CCT6A: variants seen among roughly 807,000 people sequenced by gnomAD.
CCT6A encodes T-complex protein 1 subunit zeta.
Under a neutral mutation model 58.6 loss-of-function variants are expected in CCT6A, and 6 were observed. The observed-to-expected ratio is 0.10, with a 90% confidence interval of 0.06 to 0.20. CCT6A has a LOEUF of 0.20. Among genes scored for constraint, CCT6A ranks in the 10% least tolerant of loss-of-function variants. CCT6A has a pLI of 1.00. For synonymous variants in CCT6A, 245 were observed against 227.8 expected (o/e 1.08, Z -0.68); for missense variants, 516 against 648.8 (o/e 0.80, Z 2.22).
At position 56,058,461 on chromosome 7, in the gene CCT6A, A is replaced by G; in HGVS notation, c.825A>G (p.Ile275Met). The change falls in exon 7 of 14, where the codon ATA (isoleucine) becomes ATG (methionine). Residue 275 changes from isoleucine (I) to methionine (M), a missense_variant. Ile to Met is a conservative substitution (Grantham distance 10). Transcript: ENST00000275603. ...TTGAAGATAGGGTTAAAAAAATAAT[A>G]GAACTGAAAAGGAAAGTCTGTGGCG... is the stretch of plus-strand genomic sequence containing the variant. The part of the protein sequence containing the change: ...KFIEDRVKKI[I>M]ELKRKVCGDS... The G allele has an allele frequency of 6.2e-7, 1 of 1,601,212 alleles. No homozygotes were observed. The highest frequency in any genetic ancestry group is 8.5e-7 in the Non-Finnish European group (1 of 1,176,120).
At chr7:56,061,104 C>A (rs1234333386) in intron 11 of CCT6A, among the ~76,000 whole-genome samples, 164 bp downstream of exon 11, 2 of 152,196 alleles carry the variant, frequency 1.3e-5, no homozygotes, top group Non-Finnish European at 1.5e-5. Context: ...TATTTGGTTT[C>A]TCTGGGAAGC....
Position 56,062,932 on chromosome 7 carries a change from G to A in CCT6A, c.1524-81G>A, listed in dbSNP as rs1794501472. On this transcript the variant is annotated intron_variant, in intron 13 of 13. Transcript: ENST00000275603. ...GGAAATTTAATTGGATGTAATGTGT[G>A]CAGCTTGGTTGGAAGTGGGAAGTTG... The A allele has an allele frequency of 4.1e-6, 5 of 1,206,260 alleles. No homozygotes were observed. In the African/African-American group the frequency reaches 7.4e-5, roughly 18 times the overall value. The allele number at this position is 1,206,260 out of a possible 1,614,324, so 74.7% of individuals were successfully genotyped here.
At chr7:56,057,655 C>CG (rs1224799997) in intron 5 of CCT6A, among the ~76,000 whole-genome samples, 1 of 152,122 alleles carries the variant, frequency 6.6e-6, no homozygotes, top group Non-Finnish European at 1.5e-5. Flanking sequence ...CCAAGGCGGG[C>CG]GGATCACGAG....
chr7:56,056,755 G>C (rs537791008), intron 5 of CCT6A, among the ~76,000 whole-genome samples: 51 of 149,252 alleles, frequency 3.4e-4, no homozygotes, highest in African/African-American at 1.3e-3. Context: ...AAAATAAACT[G>C]TGTTTAGAAA....
rs1295486097 is a variant in CCT6A at position 56,052,425 on chromosome 7, C to G, written c.141C>G (p.Leu47=). The G allele has an allele frequency of 6.2e-7, 1 of 1,613,728 alleles. No homozygotes were observed. The change falls in exon 2 of 14, where the codon CTC becomes CTG. Residue 47 remains leucine, a synonymous_variant. Coordinates refer to ENST00000275603, the MANE Select transcript of CCT6A (RefSeq NM_001762.4). ...NLGPKGTMKM[L]VSGAGDIKLT... ...TTCATTTCTGTCCTTTAAACAGGCT[C>G]GTTTCTGGCGCTGGAGACATCAAAC...
chr7:56,058,589 A>G, intron 7 of CCT6A, 31 bp from the exon 8 acceptor site: 3 of 1,583,634 alleles, frequency 1.9e-6, no homozygotes, highest in Non-Finnish European at 1.7e-6. Flanking sequence ...AAGGTGAAAG[A>G]TGTTGAAATT....
rs1032424231 is a variant in CCT6A, at chr7:56,063,277, G to A, written c.*192G>A. The A allele has an allele frequency of 2.9e-5, 17 of 592,746 alleles. No individual in the cohort carries two copies. The highest frequency in any genetic ancestry group is 1.8e-4 in the Admixed American group (6 of 33,532). The allele number at this position is 592,746 out of a possible 1,614,324, so 36.7% of individuals were successfully genotyped here. On this transcript the variant is annotated 3_prime_UTR_variant, in exon 14 of 14. Transcript: ENST00000275603. Reference sequence around the variant, plus strand: ...GTATTTTTAAAAATTGCACTGAAGTGTATACACATAAAGCAGGTCTTTTAT... The same window carrying A: ...GTATTTTTAAAAATTGCACTGAAGTATATACACATAAAGCAGGTCTTTTAT...
chr7:56,057,305 TAA>T (rs963426677), intron 5 of CCT6A, among the ~76,000 whole-genome samples: 9 of 152,142 alleles, frequency 5.9e-5, no homozygotes, highest in Non-Finnish European at 1.3e-4. Context: ...TAGAGGAATT[TAA>T]AAAAATATTT....
At chr7:56,052,311 C>A in intron 1 of CCT6A, 111 bp from the exon 2 acceptor site, 1 of 926,450 alleles carries the variant, frequency 1.1e-6, no homozygotes, top group Non-Finnish European at 1.8e-6. Flanking sequence ...CTGGACATAA[C>A]TAGCCCCACA....
chr7:56,055,600 A>G (rs1166410081), intron 3 of CCT6A, 24 bp from the exon 4 acceptor site: 9 of 1,596,666 alleles, frequency 5.6e-6, no homozygotes, highest in Non-Finnish European at 6.9e-6. Context: ...TGAAGATGCA[A>G]GTGTTAATGT....
rs147543547 is a variant in CCT6A at position 56,056,144 on chromosome 7, G to A, written c.511-167G>A. Among the ~76,000 whole-genome samples, 68 of 152,286 alleles carry A rather than the reference G, an allele frequency of 4.5e-4. No individual in the cohort carries two copies. In the East Asian group the frequency reaches 0.012, roughly 28 times the overall value. On this transcript the variant is annotated intron_variant, in intron 4 of 13. Transcript: ENST00000275603. ...AGATGGAGATTTCAGAAATGTAAAT[G>A]ACTTCAGCTGTTGCCTTTTACATAT...
intron 3 of CCT6A, 98 bp downstream of exon 3, chr7:56,054,601 C>T: frequency 8.3e-7 from 1 of 1,207,220 alleles, no homozygotes; most frequent in South Asian, 1.5e-5. Flanking sequence ...TGAGGTCATA[C>T]AGTAGAATTA....
chr7:56,060,009 T>G lies in CCT6A; in HGVS notation c.1066-260T>G, dbSNP rs1794399792. ...GAGCCACCGTGCCTGGTTCATGAAG[T>G]CTTTAGCAGAAAAATTAATTGAAAT... is the stretch of plus-strand genomic sequence containing the variant. On this transcript the variant is annotated intron_variant, in intron 9 of 13. Transcript: ENST00000275603. 6.0e-6 allele frequency: 3 copies of G among 496,876 alleles called. No individual in the cohort carries two copies. In the South Asian group the frequency reaches 7.3e-5, roughly 12 times the overall value. 30.8% of individuals were successfully genotyped at this position (496,876 alleles called of 1,614,324 possible).
At chr7:56,062,843 G>A in intron 13 of CCT6A, 88 bp downstream of exon 13, 1 of 1,230,588 alleles carries the variant, frequency 8.1e-7, no homozygotes, top group Non-Finnish European at 1.2e-6. Context: ...TTTCCCCCAT[G>A]AATAATGTGA....
intron 5 of CCT6A, among the ~76,000 whole-genome samples, chr7:56,057,772 T>A (rs977293296): frequency 1.3e-5 from 2 of 152,108 alleles, no homozygotes; most frequent in African/African-American, 2.4e-5. Context: ...TCCCAGCTGC[T>A]TGAGAGGCTG....
Position 56,051,839 on chromosome 7 carries a change from T to G in CCT6A, c.-10T>G, listed in dbSNP as rs756676392. The G allele has an allele frequency of 1.3e-6, 2 of 1,556,130 alleles. 1 individual carries two copies. Among genetic ancestry groups the G allele is most frequent in the South Asian group, 2.4e-5 (2 of 84,534 alleles). ...TCAGCATCGTTTCCTTTTCCTCCGC[T>G]GGAGCAGCTATGGCGGCGGTGAAGA... On this transcript the variant is annotated 5_prime_UTR_variant, in exon 1 of 14. Transcript: ENST00000275603.
At chr7:56,063,985 ACCTCCTTTCTGTTCTTG>A in exon 14 of CCT6A, 1 of 494,500 alleles carries the variant, frequency 2.0e-6, no homozygotes, top group Non-Finnish European at 3.5e-6. Flanking sequence ...TTAAGTTGAA[ACCTCCTTTCTGTTCTTG>A]CAATGGTATG....
Position 56,052,042 on chromosome 7 carries a change from G to A in CCT6A, c.137+57G>A, listed in dbSNP as rs1794105946. Reference sequence around the variant, plus strand: ...GGCACCGCGCGCCGCCGCGCTCCTGGCGGGCCCGGGACCGCGGACTGGAGC... The same window carrying A: ...GGCACCGCGCGCCGCCGCGCTCCTGACGGGCCCGGGACCGCGGACTGGAGC... On this transcript the variant is annotated intron_variant, in intron 1 of 13. Transcript: ENST00000275603. 7.4e-6 allele frequency: 10 copies of A among 1,356,330 alleles called. No individual in the cohort carries two copies. In the African/African-American group the frequency reaches 1.1e-4, roughly 15 times the overall value. 84.0% of individuals were successfully genotyped at this position (1,356,330 alleles called of 1,614,324 possible).
rs769414488 is a variant in CCT6A at position 56,061,784 on chromosome 7, CATT to C, written c.1387_1389del (p.Leu463del). 7.9e-6 allele frequency: 12 copies of C among 1,516,340 alleles called. No homozygotes were observed. Among genetic ancestry groups the C allele is most frequent in the Non-Finnish European group, 9.8e-6 (11 of 1,125,658 alleles). The allele number at this position is 1,516,340 out of a possible 1,614,324, so 93.9% of individuals were successfully genotyped here. A position where few individuals can be genotyped will look rare whatever the true frequency, so the allele number is the denominator to read the frequency against. On this transcript the variant is annotated inframe_deletion, in exon 12 of 14. Coordinates refer to ENST00000275603, the MANE Select transcript of CCT6A (RefSeq NM_001762.4). ...AACTCTGGTTTTGACCTTCAGGAAACATTAGTTAAAATTCAAGCAGAACATTCA... is the reference window on the plus strand; with the variant it reads ...AACTCTGGTTTTGACCTTCAGGAAACAGTTAAAATTCAAGCAGAACATTCA...
Sources: allele counts gnomAD v4.1 joint callset (sites outside exome capture counted in the v4.1 genomes callset), GRCh38; gene constraint gnomAD v4.1.1; transcripts MANE v1.5; gene names NCBI Gene and HGNC (gene_info 2026-07-23, HGNC 2026-07-21).